Variants in GINS2 observed in about 807,000 individuals in gnomAD.
GINS2 encodes the protein GINS complex subunit 2, also known as DNA replication complex GINS protein PSF2.
GINS2 carries 23 observed loss-of-function variants against 21.2 expected under a neutral mutation model. The observed-to-expected ratio is 1.08, with a 90% confidence interval of 0.78 to 1.53. The LOEUF (loss-of-function observed/expected upper bound fraction) is 1.53. GINS2 is among the 40% of genes most tolerant of loss of function. The probability of loss-of-function intolerance (pLI) is 0.00; values close to 1 mark genes in which losing one functional copy is unlikely to be tolerated. For synonymous variants in GINS2, 118 were observed against 85.6 expected (o/e 1.38, Z -2.09); for missense variants, 323 against 233.9 (o/e 1.38, Z -2.49).
intron 2 of GINS2, 84 bp from the exon 3 acceptor site, chr16:85,681,765 T>A (rs2053735428): frequency 2.5e-6 from 2 of 790,182 alleles, no homozygotes; most frequent in Non-Finnish European, 4.2e-6. Context: ...GTGCCTATAT[T>A]ATCTGGCAAA....
chr16:85,686,203 A>G (rs1316306494), intron 2 of GINS2, among the ~76,000 whole-genome samples: 1 of 152,218 alleles, frequency 6.6e-6, no homozygotes, highest in Non-Finnish European at 1.5e-5. Flanking sequence ...TCACGAGGTC[A>G]GGAGATTGAG....
chr16:85,688,835 T>C lies in GINS2; in HGVS notation c.64A>G (p.Ser22Gly), dbSNP rs2053803274. The C allele has an allele frequency of 2.6e-6, 4 of 1,545,112 alleles. No individual in the cohort carries two copies. Among genetic ancestry groups the C allele is most frequent in the South Asian group, 1.2e-5 (1 of 83,406 alleles). The change falls in exon 1 of 5, where the codon AGT becomes GGT. Residue 22 changes from serine (S) to glycine (G), a missense_variant. Coordinates refer to ENST00000253462, the MANE Select transcript of GINS2 (RefSeq NM_016095.3). ...CCGATGAGGTAGATCTTGTCCAGACTGAAGTTGGGGATAATGGTAACCAGC... is the reference window on the plus strand; with the variant it reads ...CCGATGAGGTAGATCTTGTCCAGACCGAAGTTGGGGATAATGGTAACCAGC... ...KELVTIIPNF[S>G]LDKIYLIGGD...
At chr16:85,680,677 G>A (rs1295437606) in intron 3 of GINS2, among the ~76,000 whole-genome samples, 1 of 151,906 alleles carries the variant, frequency 6.6e-6, no homozygotes, top group Non-Finnish European at 1.5e-5. Context: ...GAGCTGCCAA[G>A]AGTACATGTG....
In GINS2 at chr16:85,687,962, G is replaced by A. The variant is rs115910546; in HGVS notation, c.91-388C>T. On this transcript the variant is annotated intron_variant, in intron 1 of 4. Coordinates refer to ENST00000253462, the MANE Select transcript of GINS2 (RefSeq NM_016095.3). ...CTTCTCCAGGACTCCCAGCGCCGAG[G>A]CGCCTCCCTCATACTGAAAACGCAA... The A allele has an allele frequency of 3.2e-3, 520 of 161,180 alleles. 5 individuals are homozygous for A. Among genetic ancestry groups the A allele is most frequent in the African/African-American group, 0.012 (487 of 41,954 alleles). The allele number at this position is 161,180 out of a possible 1,614,324, so 10.0% of individuals were successfully genotyped here.
intron 2 of GINS2, 125 bp downstream of exon 2, chr16:85,687,335 A>G (rs1352050142): frequency 3.6e-6 from 2 of 562,700 alleles, no homozygotes; most frequent in Non-Finnish European, 6.5e-6. Flanking sequence ...TGATCAGTAG[A>G]TAACGGAACA....
chr16:85,679,760 G>A (rs1455785778), intron 3 of GINS2, among the ~76,000 whole-genome samples: 5 of 152,140 alleles, frequency 3.3e-5, no homozygotes, highest in African/African-American at 7.2e-5. Flanking sequence ...TTCTTACCTA[G>A]CCTGTTTATA....
At chr16:85,681,404 A>C (rs534786058) in intron 3 of GINS2, among the ~76,000 whole-genome samples, 178 bp downstream of exon 3, 4 of 152,360 alleles carry the variant, frequency 2.6e-5, no homozygotes, top group African/African-American at 9.6e-5. Flanking sequence ...GACAGAGTGC[A>C]CCTGGCAGGT....
chr16:85,678,645 C>T lies in GINS2; in HGVS notation c.327G>A (p.Lys109=). 3 of 1,613,780 alleles carry T rather than the reference C, an allele frequency of 1.9e-6. No homozygotes were observed. The highest frequency in any genetic ancestry group is 8.5e-7 in the Non-Finnish European group (1 of 1,179,978). Residue 109 remains lysine, a synonymous_variant, in exon 4 of 5, where the codon AAG becomes AAA. Coordinates refer to ENST00000253462, the MANE Select transcript of GINS2 (RefSeq NM_016095.3). ...LLNHASDNIP[K]ADEIRTLVKD... is the part of the protein sequence containing the mutation. ...TGACCAGGGTCCGGATTTCGTCTGC[C>T]TTCGGGATGTTGTCTGAAGCACTAA...
chr16:85,687,164 T>C (rs146863514), intron 2 of GINS2, among the ~76,000 whole-genome samples: 279 of 152,364 alleles, frequency 1.8e-3, no homozygotes, highest in Non-Finnish European at 3.5e-3. Context: ...AAGGCTGCAT[T>C]GAGCCGAGAT....
In GINS2 at chr16:85,681,552, T is replaced by G. The variant is rs375780783; in HGVS notation, c.305+30A>C. ...AGGGCATGGCGAGTCCAGTCTTGGG[T>G]GTGGCCTCTAAGAGGTGAGATCTAC... On this transcript the variant is annotated intron_variant, in intron 3 of 4. Coordinates refer to ENST00000253462, the MANE Select transcript of GINS2 (RefSeq NM_016095.3). The G allele has an allele frequency of 8.0e-5, 101 of 1,265,594 alleles. No individual in the cohort carries two copies. In the African/African-American group the frequency reaches 1.4e-3, roughly 17 times the overall value. 78.4% of individuals were successfully genotyped at this position (1,265,594 alleles called of 1,614,324 possible).
intron 1 of GINS2, among the ~76,000 whole-genome samples, chr16:85,688,497 G>A (rs934790762): frequency 6.6e-6 from 1 of 152,210 alleles, no homozygotes; most frequent in Non-Finnish European, 1.5e-5. Context: ...AGTGAGCCGA[G>A]ACGGCACCAC....
intron 2 of GINS2, among the ~76,000 whole-genome samples, chr16:85,685,669 TC>T (rs1383923376): frequency 1.6e-4 from 2 of 12,500 alleles, no homozygotes; most frequent in African/African-American, 6.6e-4. Context: ...AGACCCTTTC[TC>T]AAAAAAAAAA....
At chr16:85,680,981 G>T (rs2053727503) in intron 3 of GINS2, among the ~76,000 whole-genome samples, 1 of 152,216 alleles carries the variant, frequency 6.6e-6, no homozygotes, top group Non-Finnish European at 1.5e-5. Context: ...CCTTTCAAAG[G>T]CCCCTCTGGC....
intron 3 of GINS2, among the ~76,000 whole-genome samples, chr16:85,680,983 C>T (rs1008439256): frequency 1.3e-5 from 2 of 152,160 alleles, no homozygotes; most frequent in African/African-American, 4.8e-5. Flanking sequence ...TTTCAAAGGC[C>T]CCTCTGGCTG....
At position 85,683,532 on chromosome 16, in the gene GINS2, G is replaced by A. The variant is rs184640990; in HGVS notation, c.206-1851C>T. On this transcript the variant is annotated intron_variant, in intron 2 of 4. Transcript: ENST00000253462. ...CCTGCTCCTGCAGCCTCCCACCTCA[G>A]GAGACAGCAACTCCCTCTCCTGGGC... Among the ~76,000 whole-genome samples, 27 of 152,284 alleles carry A rather than the reference G, an allele frequency of 1.8e-4. No individual in the cohort carries two copies. In the East Asian group the frequency reaches 4.8e-3, roughly 27 times the overall value.
chr16:85,681,112 A>G (rs184135829), intron 3 of GINS2, among the ~76,000 whole-genome samples: 11 of 152,364 alleles, frequency 7.2e-5, no homozygotes, highest in African/African-American at 2.6e-4. Context: ...CCAAGGACAG[A>G]GGCAAATGTA....
chr16:85,687,681 C>A (rs2053789510), intron 1 of GINS2, 107 bp from the exon 2 acceptor site: 1 of 618,568 alleles, frequency 1.6e-6, no homozygotes, highest in East Asian at 3.2e-5. Context: ...AGGCTGAAGT[C>A]CAAATGCAAA....
rs1236355945 is a variant in GINS2 at position 85,678,061 on chromosome 16, T to A, written c.*151A>T. 1 of 694,060 alleles carries A rather than the reference T, an allele frequency of 1.4e-6. No individual in the cohort carries two copies. The highest frequency in any genetic ancestry group is 2.5e-6 in the Non-Finnish European group (1 of 405,698). The allele number at this position is 694,060 out of a possible 1,614,324, so 43.0% of individuals were successfully genotyped here. On this transcript the variant is annotated 3_prime_UTR_variant, in exon 5 of 5. Coordinates refer to ENST00000253462, the MANE Select transcript of GINS2 (RefSeq NM_016095.3). ...TAAGTTTTAAGGACTAATCACAAAC[T>A]TGTTTCTCCAACAACATCCTGAATC... is the stretch of plus-strand genomic sequence containing the variant.
At position 85,678,768 on chromosome 16, in the gene GINS2, A is replaced by C. The variant is rs1020885136; in HGVS notation, c.306-102T>G. 9 of 1,119,948 alleles carry C rather than the reference A, an allele frequency of 8.0e-6. No individual in the cohort carries two copies. The African/African-American group carries it at 1.4e-4, about 17-fold the overall frequency. 69.4% of individuals were successfully genotyped at this position (1,119,948 alleles called of 1,614,324 possible). A position where few individuals can be genotyped will look rare whatever the true frequency, so the allele number is the denominator to read the frequency against. ...AGGCAAAATACCGTGGCTATTCCAGACTCAGAAAGTCTGTTTTGCTTTATT... is the reference window on the plus strand; with the variant it reads ...AGGCAAAATACCGTGGCTATTCCAGCCTCAGAAAGTCTGTTTTGCTTTATT... On this transcript the variant is annotated intron_variant, in intron 3 of 4. Transcript: ENST00000253462.
Sources: allele counts gnomAD v4.1 joint callset (sites outside exome capture counted in the v4.1 genomes callset), GRCh38; gene constraint gnomAD v4.1.1; transcripts MANE v1.5; gene names NCBI Gene and HGNC (gene_info 2026-07-23, HGNC 2026-07-21).